Variants in POM121 observed in about 807,000 individuals in gnomAD.
The protein encoded by POM121 is POM121 transmembrane nucleoporin.
POM121 carries 32 observed loss-of-function variants against 81.3 expected under a neutral mutation model. The observed-to-expected ratio is 0.39, with a 90% CI of 0.30 to 0.53. The LOEUF (loss-of-function observed/expected upper bound fraction) is 0.53, where lower values mean the gene tolerates loss of function less well. Among genes scored for constraint, POM121 ranks in the 20% least tolerant of loss-of-function variants. The pLI is 0.66. For synonymous variants in POM121, 514 were observed against 694.2 expected (o/e 0.74, Z 4.08); for missense variants, 1,138 against 1,614.6 (o/e 0.70, Z 5.06).
intron 5 of POM121, among the ~76,000 whole-genome samples, chr7:72,938,336 A>G (rs1796720902): frequency 6.6e-6 from 1 of 151,508 alleles, no homozygotes; most frequent in Non-Finnish European, 1.5e-5. Flanking sequence ...CCACAGATGC[A>G]AACCACCACA....
chr7:72,903,687 A>C (rs1292192240), intron 3 of POM121, among the ~76,000 whole-genome samples: 1 of 152,242 alleles, frequency 6.6e-6, no homozygotes, highest in Non-Finnish European at 1.5e-5. Flanking sequence ...ACGAGAAAAA[A>C]AAAGAAAAAC....
At chr7:72,899,149 A>T (rs1225867983) in intron 3 of POM121, among the ~76,000 whole-genome samples, 1 of 151,350 alleles carries the variant, frequency 6.6e-6, no homozygotes, top group Non-Finnish European at 1.5e-5. Context: ...CACCTGGCTA[A>T]TTTTTTTGTA....
At chr7:72,880,014 G>C in intron 1 of POM121, 1 of 367,138 alleles carries the variant, frequency 2.7e-6, no homozygotes, top group South Asian at 2.0e-5. Flanking sequence ...TTGGGTTTGA[G>C]GGCAAGGTCC....
intron 3 of POM121, among the ~76,000 whole-genome samples, chr7:72,912,655 T>C (rs2129576439): frequency 6.6e-6 from 1 of 152,084 alleles, no homozygotes; most frequent in East Asian, 1.9e-4. Context: ...GGTGCATGCC[T>C]GTGGTCCCAG....
At chr7:72,913,342 C>A (rs1410140231) in intron 3 of POM121, among the ~76,000 whole-genome samples, 1 of 152,240 alleles carries the variant, frequency 6.6e-6, no homozygotes, top group Non-Finnish European at 1.5e-5. Flanking sequence ...CCGGCATCAG[C>A]AGAGAAAGTC....
In POM121 at chr7:72,926,459, G is replaced by T. The variant is rs555308680; in HGVS notation, c.842G>T (p.Arg281Ile). The T allele has an allele frequency of 6.2e-7, 1 of 1,614,012 alleles. No individual in the cohort carries two copies. The highest frequency in any genetic ancestry group is 1.7e-5 in the Admixed American group (1 of 60,026). Residue 281 changes from arginine to isoleucine, a missense_variant, in exon 2 of 13, where the codon AGA becomes ATA. Transcript: ENST00000434423. ...GTGAGGATCGCCCCTCCTGACAGAA[G>T]ATTTTCGCGTTCTGCGATGTGAGTA... is the stretch of plus-strand genomic sequence containing the variant. The part of the protein sequence containing the change: ...VTVRIAPPDR[R>I]FSRSAIPEQI...
chr7:72,948,204 C>G lies in POM121; in HGVS notation c.*1970C>G. 6.9e-7 allele frequency: 1 copy of G among 1,443,902 alleles called. No individual in the cohort carries two copies. 89.4% of individuals were successfully genotyped at this position (1,443,902 alleles called of 1,614,324 possible). ...TGGGACTTTCCATTACAAATAGAGA[C>G]TTCATTCCTGTTGAGTCTAGTTGGA... On this transcript the variant is annotated 3_prime_UTR_variant, in exon 13 of 13. Transcript: ENST00000434423.
intron 3 of POM121, among the ~76,000 whole-genome samples, chr7:72,908,451 T>A (rs1265086695): frequency 6.6e-6 from 1 of 152,134 alleles, no homozygotes; most frequent in African/African-American, 2.4e-5. Context: ...CAGGGCGAGA[T>A]CACAGGACCA....
intron 5 of POM121, among the ~76,000 whole-genome samples, chr7:72,937,554 C>G (rs1190122395): frequency 2.6e-5 from 4 of 152,138 alleles, no homozygotes; most frequent in Non-Finnish European, 5.9e-5. Context: ...CTGCTTACCA[C>G]TTGTCTGAAG....
intron 5 of POM121, among the ~76,000 whole-genome samples, chr7:72,937,848 G>A (rs1355922532): frequency 6.6e-6 from 1 of 152,016 alleles, no homozygotes; most frequent in Non-Finnish European, 1.5e-5. Flanking sequence ...GCAGATGTAT[G>A]GATAATCATC....
Position 72,926,849 on chromosome 7 carries a change from C to T in POM121, c.908C>T (p.Ala303Val), listed in dbSNP as rs782388409. Residue 303 changes from alanine (A) to valine (V), a missense_variant, in exon 3 of 13, where the codon GCC (alanine) becomes GTC (valine). By Grantham distance (64) the Ala-to-Val change is moderately conservative. Around this residue, in one of 7 missense-constraint regions of POM121, gnomAD observed 646 missense variants for 633.5 expected, o/e 1.02. Coordinates refer to ENST00000434423, the MANE Select transcript of POM121 (RefSeq NM_001387691.1). ...ACACTGTCCTCACCATCAAGTAACG[C>T]CCCAGACCCATGTGCAAAGGAGACA... ...SSTLSSPSSN[A>V]PDPCAKETVL... 2.5e-6 allele frequency: 4 copies of T among 1,613,942 alleles called. No homozygotes were observed. Among genetic ancestry groups the T allele is most frequent in the Non-Finnish European group, 2.5e-6 (3 of 1,179,866 alleles).
At position 72,927,039 on chromosome 7, in the gene POM121, A is replaced by G. The variant is rs117799166; in HGVS notation, c.1022+76A>G. On this transcript the variant is annotated intron_variant, in intron 3 of 12. Transcript: ENST00000434423. ...GGATGAGATGTAGACATTCCCATATAGATACAGAGGCCATCTCCAGTTTAT... is the reference window on the plus strand; with the variant it reads ...GGATGAGATGTAGACATTCCCATATGGATACAGAGGCCATCTCCAGTTTAT... The G allele has an allele frequency of 4.9e-4, 792 of 1,607,146 alleles. 7 individuals carry two copies. In the East Asian group the frequency reaches 0.013, roughly 26 times the overall value.
At chr7:72,926,997 G>A (rs202119231) in intron 3 of POM121, 34 bp downstream of exon 3, 22 of 1,613,752 alleles carry the variant, frequency 1.4e-5, no homozygotes, top group African/African-American at 8.0e-5. Flanking sequence ...AGCCGGTTTC[G>A]CGCTTGGACT....
chr7:72,912,868 C>T (rs1261039001), intron 3 of POM121, among the ~76,000 whole-genome samples: 3 of 152,156 alleles, frequency 2.0e-5, no homozygotes, highest in East Asian at 1.9e-4. Flanking sequence ...CAGACCAGCA[C>T]GGCGGGTAAT....
intron 1 of POM121, 120 bp downstream of exon 1, chr7:72,925,885 C>T: frequency 6.8e-6 from 8 of 1,180,182 alleles, no homozygotes; most frequent in Non-Finnish European, 8.8e-6. Flanking sequence ...TGTGGTTTTG[C>T]CCTCCTTAAC....
At chr7:72,948,301 A>G (rs570888069), downstream of POM121, 59 of 1,585,564 alleles carry the variant, frequency 3.7e-5, 1 homozygote, top group South Asian at 6.6e-4. Flanking sequence ...TCTATCGTAG[A>G]GTACGTTCTG....
chr7:72,939,142 T>C (rs1796814279), intron 6 of POM121, among the ~76,000 whole-genome samples, 194 bp from the exon 7 acceptor site: 1 of 152,218 alleles, frequency 6.6e-6, no homozygotes, highest in South Asian at 2.1e-4. Context: ...AAAGCTGTCT[T>C]CATGGCCTCT....
intron 1 of POM121, among the ~76,000 whole-genome samples, chr7:72,880,512 T>C (rs1414497057): frequency 6.6e-6 from 1 of 152,004 alleles, no homozygotes; most frequent in Non-Finnish European, 1.5e-5. Flanking sequence ...AAAACCATAT[T>C]TTATACACAT....
chr7:72,892,296 A>G (rs1554491016), intron 3 of POM121, among the ~76,000 whole-genome samples: 1 of 152,176 alleles, frequency 6.6e-6, no homozygotes, highest in Non-Finnish European at 1.5e-5. Flanking sequence ...ATTTTACTTG[A>G]CAATATAGCA....
Sources: gnomAD v4.1 joint callset for allele counts (sites outside exome capture counted in the v4.1 genomes callset) on GRCh38, gnomAD v4.1.1 for gene constraint, gnomAD v4.1.1 regional missense constraint, MANE v1.5 for transcripts, NCBI Gene and HGNC (gene_info 2026-07-23, HGNC 2026-07-21) for gene names.